PRKG1: variants seen among roughly 807,000 people sequenced by gnomAD.
PRKG1 encodes the protein protein kinase cGMP-dependent 1.
In PRKG1, 35 loss-of-function variants were observed where a neutral mutation model predicts 88.1. That is an observed-to-expected ratio of 0.40 (90% confidence interval 0.30 to 0.53). The LOEUF (loss-of-function observed/expected upper bound fraction) is 0.53, where lower values mean the gene tolerates loss of function less well. Ranked by LOEUF, PRKG1 falls within the 20% of genes least tolerant of loss-of-function variation. The pLI is 0.59. For missense variants in PRKG1, 540 were observed against 839.8 expected (o/e 0.64, Z 4.41); for synonymous variants, 303 against 292.5 (o/e 1.04, Z -0.37).
chr10:52,187,886 G>T (rs1589685372), intron 9 of PRKG1, among the ~76,000 whole-genome samples: 2 of 152,142 alleles, frequency 1.3e-5, no homozygotes, highest in African/African-American at 4.8e-5. Flanking sequence ...TTAAAATGCA[G>T]ATAATGTTGG....
chr10:52,060,232 T>C (rs556571955), intron 6 of PRKG1, among the ~76,000 whole-genome samples: 37 of 151,928 alleles, frequency 2.4e-4, no homozygotes, highest in African/African-American at 8.2e-4. Context: ...GATCCTTAGC[T>C]CACACCATAC....
At chr10:51,780,070 T>C (rs1240546256) in intron 3 of PRKG1, among the ~76,000 whole-genome samples, 1 of 152,164 alleles carries the variant, frequency 6.6e-6, no homozygotes, top group Non-Finnish European at 1.5e-5. Flanking sequence ...TTTGGCATAA[T>C]CTGTTCTTTT....
chr10:51,840,833 A>C (rs919350100), intron 4 of PRKG1, among the ~76,000 whole-genome samples: 2 of 152,172 alleles, frequency 1.3e-5, no homozygotes. Context: ...GGTATGACCC[A>C]CAACACCCGT....
At chr10:51,757,615 G>A (rs1267932059) in intron 3 of PRKG1, among the ~76,000 whole-genome samples, 1 of 151,942 alleles carries the variant, frequency 6.6e-6, no homozygotes, top group East Asian at 1.9e-4. Flanking sequence ...AGCCACAAGT[G>A]GTTACTGAGC....
chr10:51,451,679 G>A (rs1839442652), intron 2 of PRKG1, among the ~76,000 whole-genome samples: 1 of 151,906 alleles, frequency 6.6e-6, no homozygotes, highest in South Asian at 2.1e-4. Context: ...GAGAATCCAG[G>A]TCAACAAGGA....
chr10:51,231,437 C>T (rs1838841850), intron 2 of PRKG1, among the ~76,000 whole-genome samples: 1 of 152,132 alleles, frequency 6.6e-6, no homozygotes, highest in Admixed American at 6.6e-5. Flanking sequence ...TCATGGCTGT[C>T]CCCTGAGGAG....
rs559523164 is a variant in PRKG1, at chr10:52,129,368, G to GT, written c.936-4471dup. ...ATATAAACATACATAGTAAATCACAGTGTTGTCAGCTTCTATCATTGACAT... is the reference window on the plus strand; with the variant it reads ...ATATAAACATACATAGTAAATCACAGTTGTTGTCAGCTTCTATCATTGACAT... On this transcript the variant is annotated intron_variant, in intron 7 of 17. Coordinates refer to ENST00000373980, the MANE Select transcript of PRKG1 (RefSeq NM_006258.4). Among the ~76,000 whole-genome samples the GT allele has an allele frequency of 3.7e-3, 570 of 152,274 alleles. 4 individuals are homozygous for GT. The highest frequency in any genetic ancestry group is 6.1e-3 in the Non-Finnish European group (418 of 68,008).
chr10:52,113,421 A>G (rs894468053), intron 7 of PRKG1, among the ~76,000 whole-genome samples: 1 of 152,174 alleles, frequency 6.6e-6, no homozygotes. Flanking sequence ...AAAAAAGAAC[A>G]GAAGGGAGGG....
intron 5 of PRKG1, among the ~76,000 whole-genome samples, chr10:52,034,076 A>C (rs1845541303): frequency 6.6e-6 from 1 of 151,722 alleles, no homozygotes; most frequent in African/African-American, 2.4e-5. Context: ...TTTGTGGTGG[A>C]ATGTCATCAG....
At chr10:51,170,198 G>A (rs1025634414) in intron 2 of PRKG1, among the ~76,000 whole-genome samples, 15 of 151,904 alleles carry the variant, frequency 9.9e-5, no homozygotes, top group Admixed American at 1.3e-4. Flanking sequence ...TATAAAAATC[G>A]TTCCAGACAG....
At chr10:52,223,147 C>T (rs1305702071) in intron 9 of PRKG1, among the ~76,000 whole-genome samples, 1 of 152,142 alleles carries the variant, frequency 6.6e-6, no homozygotes, top group South Asian at 2.1e-4. Context: ...ATCTCCATAT[C>T]CCTGCTTTGA....
intron 3 of PRKG1, among the ~76,000 whole-genome samples, chr10:51,704,238 C>T (rs12264602): frequency 0.09 from 12,964 of 144,172 alleles, 578 homozygotes; most frequent in African/African-American, 0.14. Flanking sequence ...GATAGATAGA[C>T]AGACAGACAG....
At chr10:51,806,840 G>A (rs1015561662) in intron 4 of PRKG1, among the ~76,000 whole-genome samples, 6 of 152,022 alleles carry the variant, frequency 3.9e-5, no homozygotes, top group Admixed American at 6.6e-5. Flanking sequence ...ACAATTCCAT[G>A]TACCCATGCC....
intron 3 of PRKG1, among the ~76,000 whole-genome samples, chr10:51,703,743 C>T (rs2132419394): frequency 6.6e-6 from 1 of 152,220 alleles, no homozygotes; most frequent in South Asian, 2.1e-4. Flanking sequence ...AGTTTGGGGC[C>T]CTACTCCAAA....
Position 51,944,515 on chromosome 10 carries a change from C to T in PRKG1, c.762+36945C>T, listed in dbSNP as rs576707655. Among the ~76,000 whole-genome samples the T allele has an allele frequency of 9.3e-4, 141 of 152,094 alleles. 1 individual carries two copies. The highest frequency in any genetic ancestry group is 3.3e-3 in the African/African-American group (137 of 41,410). The stretch of plus-strand genomic sequence containing the variant: ...CTGCTAGCTTTTGAATGTGTTTGCT[C>T]TTACTTTTCTAGTTCTTTTAATTAT... On this transcript the variant is annotated intron_variant, in intron 5 of 17. Coordinates refer to ENST00000373980, the MANE Select transcript of PRKG1 (RefSeq NM_006258.4).
At chr10:51,967,032 C>T (rs1320913422) in intron 5 of PRKG1, among the ~76,000 whole-genome samples, 2 of 152,094 alleles carry the variant, frequency 1.3e-5, no homozygotes, top group Admixed American at 6.6e-5. Flanking sequence ...ACTAGAAATA[C>T]CATTTGACCC....
chr10:51,850,564 C>T (rs1425945973), intron 4 of PRKG1, among the ~76,000 whole-genome samples: 1 of 151,510 alleles, frequency 6.6e-6, no homozygotes, highest in Non-Finnish European at 1.5e-5. Context: ...ACCAGAAGGC[C>T]AATAATAAAC....
At chr10:51,189,277 C>T (rs934322404) in intron 2 of PRKG1, among the ~76,000 whole-genome samples, 3 of 151,854 alleles carry the variant, frequency 2.0e-5, no homozygotes, top group Non-Finnish European at 4.4e-5. Flanking sequence ...TAACTTCTTG[C>T]TCTTGAAAGT....
At chr10:51,395,082 G>A (rs566907433) in intron 2 of PRKG1, among the ~76,000 whole-genome samples, 1 of 152,304 alleles carries the variant, frequency 6.6e-6, no homozygotes, top group Admixed American at 6.5e-5. Flanking sequence ...GATGTGGTCT[G>A]TATTTTAAAT....
Sources: allele counts gnomAD v4.1 joint callset (sites outside exome capture counted in the v4.1 genomes callset), GRCh38; gene constraint gnomAD v4.1.1; transcripts MANE v1.5; gene names NCBI Gene and HGNC (gene_info 2026-07-23, HGNC 2026-07-21).